Variants in BTG4 observed in about 807,000 individuals in gnomAD.
The protein encoded by BTG4 is protein BTG4.
BTG4 carries 10 observed loss-of-function variants against 19.3 expected under a neutral mutation model. That is an observed-to-expected ratio of 0.52 (90% CI 0.32 to 0.88). The LOEUF (loss-of-function observed/expected upper bound fraction) is 0.88. BTG4 is among the 40% of genes least tolerant of loss of function. The pLI, the probability that BTG4 is intolerant of heterozygous loss-of-function variation, is 0.04. For missense variants in BTG4, 238 were observed against 281.9 expected, an observed-to-expected ratio of 0.84 and a Z score of 1.11; for synonymous variants, 91 against 95.7, an observed-to-expected ratio of 0.95 and a Z score of 0.29.
intron 5 of BTG4, among the ~76,000 whole-genome samples, chr11:111,473,724 G>C (rs1591455366): frequency 1.3e-5 from 2 of 152,208 alleles, no homozygotes; most frequent in East Asian, 1.9e-4. Flanking sequence ...AAAAGTTGTA[G>C]TTTAAAGCAT....
chr11:111,500,253 C>T (rs1865985605), intron 1 of BTG4, among the ~76,000 whole-genome samples: 1 of 152,206 alleles, frequency 6.6e-6, no homozygotes, highest in African/African-American at 2.4e-5. Flanking sequence ...TTATCAAGTT[C>T]CCCCAGGTGA....
the BTG4 span, among the ~76,000 whole-genome samples, chr11:111,428,595 A>G: frequency 6.6e-6 from 1 of 152,154 alleles, no homozygotes; most frequent in South Asian, 2.1e-4. Context: ...TCCTGATCCA[A>G]ATTAAATTCT....
At chr11:111,471,611 G>A (rs1411530112) in intron 5 of BTG4, among the ~76,000 whole-genome samples, 1 of 152,000 alleles carries the variant, frequency 6.6e-6, no homozygotes, top group Non-Finnish European at 1.5e-5. Flanking sequence ...GGAGGGCCAG[G>A]ACTCAGTCCC....
chr11:111,448,989 G>C, the BTG4 span, among the ~76,000 whole-genome samples: 3 of 152,118 alleles, frequency 2.0e-5, no homozygotes, highest in South Asian at 6.2e-4. Flanking sequence ...ACTTTATGTT[G>C]CTTTTTGCCA....
chr11:111,494,682 T>G (rs1852326547), downstream of BTG4, among the ~76,000 whole-genome samples: 1 of 152,038 alleles, frequency 6.6e-6, no homozygotes, highest in Non-Finnish European at 1.5e-5. Flanking sequence ...TCCCAACACT[T>G]TGGGAGGCCG....
intron 5 of BTG4, among the ~76,000 whole-genome samples, chr11:111,469,608 C>T (rs750825872): frequency 2.0e-5 from 3 of 152,194 alleles, no homozygotes; most frequent in Non-Finnish European, 4.4e-5. Flanking sequence ...GGCTGTTTAA[C>T]AGTTCACACA....
the BTG4 span, among the ~76,000 whole-genome samples, chr11:111,460,672 A>C: frequency 4.6e-5 from 7 of 152,348 alleles, no homozygotes; most frequent in African/African-American, 1.7e-4. Context: ...GCAAATGCAA[A>C]GGCAGCAAGT....
chr11:111,437,021 G>T, the BTG4 span, among the ~76,000 whole-genome samples: 1 of 152,176 alleles, frequency 6.6e-6, no homozygotes, highest in Non-Finnish European at 1.5e-5. Context: ...TGTCTGCGGA[G>T]ACTTTTATCC....
chr11:111,497,194 A>T lies in BTG4; in HGVS notation c.510+17T>A. The stretch of plus-strand genomic sequence containing the variant: ...AGATAGAAAAAAAGTATAGAAAAGA[A>T]CTGGAACACTCTTGACCTGATAAAT... On this transcript the variant is annotated intron_variant, in intron 4 of 4. Transcript: ENST00000692032. The T allele has an allele frequency of 6.2e-7, 1 of 1,601,984 alleles. No individual in the cohort carries two copies. The highest frequency in any genetic ancestry group is 8.5e-7 in the Non-Finnish European group (1 of 1,172,474).
At chr11:111,499,557 C>T (rs1865941573) in intron 1 of BTG4, among the ~76,000 whole-genome samples, 2 of 152,160 alleles carry the variant, frequency 1.3e-5, no homozygotes, top group African/African-American at 4.8e-5. Context: ...ATAATCTTAT[C>T]TTTTATAACA....
the BTG4 span, among the ~76,000 whole-genome samples, chr11:111,384,147 G>T: frequency 6.6e-6 from 1 of 152,134 alleles, no homozygotes; most frequent in East Asian, 1.9e-4. Flanking sequence ...CTAGGTAGAA[G>T]ACAATCTCTT....
the BTG4 span, among the ~76,000 whole-genome samples, chr11:111,395,515 T>G: frequency 1.3e-5 from 2 of 152,206 alleles, no homozygotes; most frequent in Non-Finnish European, 2.9e-5. Flanking sequence ...CTCCCCTATT[T>G]TAGGGACATG....
chr11:111,442,760 A>C, the BTG4 span, among the ~76,000 whole-genome samples: 4 of 152,266 alleles, frequency 2.6e-5, no homozygotes, highest in African/African-American at 9.6e-5. Context: ...AATACCTATA[A>C]GTCCATATTG....
the BTG4 span, among the ~76,000 whole-genome samples, chr11:111,395,437 G>A: frequency 6.6e-6 from 1 of 152,234 alleles, no homozygotes; most frequent in Non-Finnish European, 1.5e-5. Flanking sequence ...CTCCAGCAGA[G>A]TATGTACACA....
the BTG4 span, among the ~76,000 whole-genome samples, chr11:111,433,419 A>C: frequency 6.6e-6 from 1 of 152,224 alleles, no homozygotes; most frequent in Non-Finnish European, 1.5e-5. Flanking sequence ...TGGATTAAAG[A>C]CTTAAATGTA....
At chr11:111,492,335 T>G (rs1865469195), downstream of BTG4, among the ~76,000 whole-genome samples, 1 of 152,240 alleles carries the variant, frequency 6.6e-6, no homozygotes, top group South Asian at 2.1e-4. Flanking sequence ...ATCCAAATAT[T>G]ATGTTGCATT....
At chr11:111,432,442 G>A in the BTG4 span, among the ~76,000 whole-genome samples, 1 of 152,112 alleles carries the variant, frequency 6.6e-6, no homozygotes, top group Non-Finnish European at 1.5e-5. Context: ...TCAGGAGTTC[G>A]AGACCAGCCT....
the BTG4 span, among the ~76,000 whole-genome samples, chr11:111,402,667 G>A: frequency 2.0e-5 from 3 of 152,160 alleles, no homozygotes; most frequent in Non-Finnish European, 4.4e-5. Context: ...CTCAGGGTTA[G>A]TGTGTAGGAA....
the BTG4 span, among the ~76,000 whole-genome samples, chr11:111,420,303 A>G: frequency 6.6e-6 from 1 of 152,214 alleles, no homozygotes; most frequent in South Asian, 2.1e-4. Context: ...AATTGCATCC[A>G]CAGCAGGGTA....
Sources: gnomAD v4.1 joint callset for allele counts (sites outside exome capture counted in the v4.1 genomes callset) on GRCh38, gnomAD v4.1.1 for gene constraint, MANE v1.5 for transcripts, NCBI Gene and HGNC (gene_info 2026-07-23, HGNC 2026-07-21) for gene names.